Variants in LAMA4 observed in about 807,000 individuals in gnomAD.
LAMA4 encodes the protein laminin subunit alpha 4, also known as laminin subunit alpha-4.
A neutral mutation model predicts 207.1 loss-of-function variants in LAMA4; 127 were observed. The ratio of observed to expected loss-of-function variants is 0.61; its 90% CI spans 0.53 to 0.71. The LOEUF (loss-of-function observed/expected upper bound fraction) is 0.71. Among genes scored for constraint, LAMA4 ranks in the 30% least tolerant of loss-of-function variants. The pLI is 0.00. For synonymous variants in LAMA4, 761 were observed against 816.0 expected (o/e 0.93, Z 1.15); for missense variants, 2,093 against 2,246.5 (o/e 0.93, Z 1.38).
chr6:112,168,076 T>C (rs968173755), intron 12 of LAMA4, among the ~76,000 whole-genome samples: 1 of 151,594 alleles, frequency 6.6e-6, no homozygotes, highest in Non-Finnish European at 1.5e-5. Flanking sequence ...CGGGTGCCTG[T>C]AGTCCCAGCT....
rs1784194981 is a variant in LAMA4, at chr6:112,208,525, A to T, written c.298-1380T>A. Among the ~76,000 whole-genome samples the T allele has an allele frequency of 2.0e-5, 3 of 152,308 alleles. No homozygotes were observed. In the South Asian group the frequency reaches 6.2e-4, roughly 32 times the overall value. On this transcript the variant is annotated intron_variant, in intron 3 of 38. Coordinates refer to ENST00000230538, the MANE Select transcript of LAMA4 (RefSeq NM_001105206.3). ...GATTAAGCAAATTGCCCGAGGTCAC[A>T]CGGATAGTAGGTGTCAAAAGTGAGA...
At chr6:112,125,399 G>A (rs1204059045) in intron 31 of LAMA4, among the ~76,000 whole-genome samples, 1 of 152,190 alleles carries the variant, frequency 6.6e-6, no homozygotes, top group Admixed American at 6.5e-5. Context: ...TATATCCAGG[G>A]AAGTGAGGTC....
chr6:112,228,408 G>A (rs1199753309), intron 2 of LAMA4, among the ~76,000 whole-genome samples: 1 of 152,138 alleles, frequency 6.6e-6, no homozygotes, highest in Non-Finnish European at 1.5e-5. Context: ...AAAGGAAATG[G>A]AAAAAGCCAT....
chr6:112,201,767 C>G (rs1437135377), intron 4 of LAMA4, 79 bp from the exon 5 acceptor site: 2 of 1,159,682 alleles, frequency 1.7e-6, no homozygotes, highest in South Asian at 1.2e-5. Context: ...CAGATTACCT[C>G]TATGTTGGTC....
intron 7 of LAMA4, 65 bp from the exon 8 acceptor site, chr6:112,187,666 A>G (rs1782774379): frequency 6.7e-7 from 1 of 1,491,494 alleles, no homozygotes; most frequent in East Asian, 2.3e-5. Context: ...CCGTTTTAGC[A>G]GAACATAAAT....
chr6:112,200,380 C>A (rs1378631517), intron 5 of LAMA4, among the ~76,000 whole-genome samples: 3 of 152,174 alleles, frequency 2.0e-5, no homozygotes, highest in African/African-American at 7.2e-5. Context: ...AGTCAGGTAA[C>A]AACAGATGCT....
Position 112,130,975 on chromosome 6 carries a change from G to A in LAMA4, c.3961C>T (p.Pro1321Ser). The A allele has an allele frequency of 6.2e-7, 1 of 1,613,038 alleles. No individual in the cohort carries two copies. The highest frequency in any genetic ancestry group is 8.5e-7 in the Non-Finnish European group (1 of 1,179,174). The change falls in exon 29 of 39, where the codon CCC becomes TCC. Residue 1321 changes from proline to serine, a missense_variant. Pro to Ser is a moderately conservative substitution (Grantham distance 74). Around this residue, in one of 3 missense-constraint regions of LAMA4, gnomAD observed 1,704 missense variants for 1,788.4 expected, o/e 0.95. Coordinates refer to ENST00000230538, the MANE Select transcript of LAMA4 (RefSeq NM_001105206.3). The part of the protein sequence containing the change: ...LSHFVISSVS[P>S]TRYELIVDKS... ...TGAAGTGAGGAGCTATACCTTGTGGGTGAGACAGAGCTAATGACGAAGTGG... is the reference window on the plus strand; with the variant it reads ...TGAAGTGAGGAGCTATACCTTGTGGATGAGACAGAGCTAATGACGAAGTGG...
chr6:112,158,449 C>T (rs1780852283), intron 14 of LAMA4: 1 of 417,534 alleles, frequency 2.4e-6, no homozygotes, highest in Admixed American at 3.9e-5. Context: ...CTTCCCGGAA[C>T]ACAGACCTTT....
Position 112,165,263 on chromosome 6 carries a change from C to T in LAMA4, c.1565G>A (p.Arg522Lys). 1.2e-6 allele frequency: 2 copies of T among 1,611,616 alleles called. No individual in the cohort carries two copies. Among genetic ancestry groups the T allele is most frequent in the Non-Finnish European group, 1.7e-6 (2 of 1,177,690 alleles). Residue 522 changes from arginine (R) to lysine (K), a missense_variant, in exon 13 of 39, where the codon AGA becomes AAA. Physicochemically the swap from Arg to Lys is conservative, Grantham distance 26. This residue lies in a region of LAMA4 where 1,704 missense variants were observed against 1,788.4 expected (regional missense o/e 0.95). Coordinates refer to ENST00000230538, the MANE Select transcript of LAMA4 (RefSeq NM_001105206.3). ...CACCACTTCCATTTGTTCCCTCACT[C>T]TTTCCTGTTGTTTCTGCGGGAAGGA... ...RQRDHEKQQERVREQMEVVNM... is the reference protein window; with the variant it reads ...RQRDHEKQQEKVREQMEVVNM...
rs1779146217 is a variant in LAMA4 at position 112,133,233 on chromosome 6, C to A, written c.3696+116G>T. 7 of 1,120,746 alleles carry A rather than the reference C, an allele frequency of 6.2e-6. No individual in the cohort carries two copies. The South Asian group carries it at 8.7e-5, about 14-fold the overall frequency. 69.4% of individuals were successfully genotyped at this position (1,120,746 alleles called of 1,614,324 possible). A position where few individuals can be genotyped will look rare whatever the true frequency, so the allele number is the denominator to read the frequency against. On this transcript the variant is annotated intron_variant, in intron 27 of 38. Transcript: ENST00000230538. Reference sequence around the variant, plus strand: ...TAATGGTTCTTCTTTCTGGTGGTGGCAGAAAGGAACCCAAGGTGTACCTAG... The same window carrying A: ...TAATGGTTCTTCTTTCTGGTGGTGGAAGAAAGGAACCCAAGGTGTACCTAG...
At chr6:112,187,367 A>G (rs797042889) in intron 8 of LAMA4, 83 bp downstream of exon 8, 1 of 1,513,612 alleles carries the variant, frequency 6.6e-7, no homozygotes. Flanking sequence ...ACTCAGATAC[A>G]AAAAGGGGTA....
At position 112,120,466 on chromosome 6, in the gene LAMA4, C is replaced by A. The variant is rs782029319; in HGVS notation, c.4482G>T (p.Gln1494His). The change falls in exon 33 of 39, where the codon CAG (glutamine) becomes CAT (histidine). Residue 1494 changes from glutamine to histidine, a missense_variant. Around this residue, in one of 3 missense-constraint regions of LAMA4, gnomAD observed 383 missense variants for 437.8 expected, o/e 0.87. Transcript: ENST00000230538. ...AACGAGTTCTCAGACGAATGGAAAA[C>A]TGAGATCTGGTAAATGAAAAGAAAG... ...HLKGDFGAKS[Q>H]FSIRLRTRSS... 1 of 1,612,236 alleles carries A rather than the reference C, an allele frequency of 6.2e-7. No individual in the cohort carries two copies. Among genetic ancestry groups the A allele is most frequent in the South Asian group, 1.1e-5 (1 of 91,028 alleles).
chr6:112,125,324 A>C (rs1389523926), intron 31 of LAMA4, among the ~76,000 whole-genome samples: 1 of 152,134 alleles, frequency 6.6e-6, no homozygotes, highest in Admixed American at 6.5e-5. Context: ...CTAGGTTTTA[A>C]GTTTCCAAGG....
chr6:112,233,657 G>C (rs1461413309), intron 2 of LAMA4, among the ~76,000 whole-genome samples: 1 of 152,114 alleles, frequency 6.6e-6, no homozygotes, highest in Non-Finnish European at 1.5e-5. Flanking sequence ...GGTTTGTGGA[G>C]GATTTTCTGA....
At chr6:112,137,248 G>T (rs1441606014) in intron 24 of LAMA4, among the ~76,000 whole-genome samples, 2 of 152,104 alleles carry the variant, frequency 1.3e-5, no homozygotes, top group Non-Finnish European at 2.9e-5. Context: ...TTGTGGCAAG[G>T]TCCCTATTCT....
intron 2 of LAMA4, among the ~76,000 whole-genome samples, chr6:112,250,716 C>T (rs1584025380): frequency 6.6e-6 from 1 of 152,184 alleles, no homozygotes; most frequent in South Asian, 2.1e-4. Flanking sequence ...TGGCTTCTTT[C>T]CAGCCACACA....
intron 5 of LAMA4, among the ~76,000 whole-genome samples, chr6:112,199,397 A>G (rs1246327380): frequency 6.6e-6 from 1 of 151,876 alleles, no homozygotes; most frequent in Non-Finnish European, 1.5e-5. Flanking sequence ...AACTAAATTG[A>G]ATTTAACCTC....
At position 112,189,105 on chromosome 6, in the gene LAMA4, T is replaced by G. The variant is rs1260693580; in HGVS notation, c.814+5A>C. 1 of 1,600,626 alleles carries G rather than the reference T, an allele frequency of 6.2e-7. No individual in the cohort carries two copies. Among genetic ancestry groups the G allele is most frequent in the East Asian group, 2.2e-5 (1 of 44,776 alleles). On this transcript the variant is annotated splice_donor_5th_base_variant and intron_variant, in intron 7 of 38. Transcript: ENST00000230538. Reference sequence around the variant, plus strand: ...GGTTAGTCAATCATGTACTGTTATTTTTACTTATGGTTGGGCAGTCCATGC... The same window carrying G: ...GGTTAGTCAATCATGTACTGTTATTGTTACTTATGGTTGGGCAGTCCATGC...
intron 13 of LAMA4, among the ~76,000 whole-genome samples, chr6:112,162,501 A>C (rs1166270294): frequency 5.9e-5 from 9 of 152,048 alleles, no homozygotes; most frequent in Admixed American, 4.6e-4. Flanking sequence ...AAAATAAATA[A>C]AATAAAATAG....
Sources: allele counts gnomAD v4.1 joint callset (sites outside exome capture counted in the v4.1 genomes callset), GRCh38; gene constraint gnomAD v4.1.1; regional missense constraint gnomAD v4.1.1; transcripts MANE v1.5; gene names NCBI Gene and HGNC (gene_info 2026-07-23, HGNC 2026-07-21).